ASTN2: variants seen among roughly 807,000 people sequenced by gnomAD.
The protein encoded by ASTN2 is astrotactin 2.
Under a neutral mutation model 139.8 loss-of-function variants are expected in ASTN2, and 54 were observed. The ratio of observed to expected loss-of-function variants is 0.39; its 90% CI spans 0.31 to 0.48. The LOEUF is 0.48. Among genes scored for constraint, ASTN2 ranks in the 20% least tolerant of loss-of-function variants. The pLI, the probability that ASTN2 is intolerant of heterozygous loss-of-function variation, is 0.95. For synonymous variants in ASTN2, 756 were observed against 719.5 expected (o/e 1.05, Z -0.81); for missense variants, 1,565 against 1,725.1 (o/e 0.91, Z 1.64).
intron 5 of ASTN2, among the ~76,000 whole-genome samples, chr9:117,055,272 A>C (rs1839025477): frequency 6.6e-6 from 1 of 152,208 alleles, no homozygotes; most frequent in Admixed American, 6.5e-5. Flanking sequence ...GGTGCTGGGG[A>C]TATAGCAGGT....
intron 4 of ASTN2, among the ~76,000 whole-genome samples, chr9:117,120,018 G>GTGTATATATATATATATATATATA (rs1306397698): frequency 2.2e-5 from 1 of 45,998 alleles, no homozygotes; most frequent in African/African-American, 8.2e-5. Context: ...GTGTGTGTGT[G>GTGTATATATATATATATATATATA]TATATATATA....
Position 116,425,423 on chromosome 9 carries a change from G to A in ASTN2, c.*428C>T, listed in dbSNP as rs560064831. The A allele has an allele frequency of 8.4e-5, 63 of 751,952 alleles. 2 individuals are homozygous for A. In the South Asian group the frequency reaches 1.0e-3, roughly 12 times the overall value. The allele number at this position is 751,952 out of a possible 1,614,324, so 46.6% of individuals were successfully genotyped here. On this transcript the variant is annotated 3_prime_UTR_variant, in exon 23 of 23. Coordinates refer to ENST00000313400, the MANE Select transcript of ASTN2 (RefSeq NM_001365068.1). Reference sequence around the variant, plus strand: ...TCCTGGTGCTGAAGAGGTCAAAACTGTCTCCTCTAGGGGTCAGGTCAAAAC... The same window carrying A: ...TCCTGGTGCTGAAGAGGTCAAAACTATCTCCTCTAGGGGTCAGGTCAAAAC...
At chr9:116,860,979 C>A (rs115631426) in intron 11 of ASTN2, among the ~76,000 whole-genome samples, 1 of 152,086 alleles carries the variant, frequency 6.6e-6, no homozygotes, top group Non-Finnish European at 1.5e-5. Flanking sequence ...TCAGCATAAA[C>A]GTGGTATTTC....
At chr9:116,546,543 T>C (rs1356700943) in intron 19 of ASTN2, 1 of 152,176 alleles carries the variant, frequency 6.6e-6, no homozygotes, top group African/African-American at 2.4e-5. Context: ...CTGAATTCTG[T>C]CCTAGGAGTG....
At chr9:117,206,917 C>A (rs1831944851) in intron 3 of ASTN2, among the ~76,000 whole-genome samples, 1 of 152,132 alleles carries the variant, frequency 6.6e-6, no homozygotes, top group Non-Finnish European at 1.5e-5. Flanking sequence ...ACAGATATAT[C>A]CCTGGCCTGC....
intron 17 of ASTN2, among the ~76,000 whole-genome samples, chr9:116,637,503 T>C (rs1350268152): frequency 1.3e-5 from 2 of 152,304 alleles, no homozygotes; most frequent in East Asian, 1.9e-4. Context: ...GAGACAAAAG[T>C]AGTATTTAAA....
chr9:116,569,337 T>C (rs1254394747), intron 19 of ASTN2, among the ~76,000 whole-genome samples: 1 of 152,260 alleles, frequency 6.6e-6, no homozygotes, highest in African/African-American at 2.4e-5. Context: ...CATCTGATGA[T>C]GCAATATGTG....
intron 1 of ASTN2, among the ~76,000 whole-genome samples, chr9:117,375,831 T>G (rs1488358155): frequency 1.3e-5 from 2 of 152,198 alleles, no homozygotes; most frequent in Non-Finnish European, 2.9e-5. Context: ...CAGGGCTGCA[T>G]TCCCTTCTGG....
chr9:117,186,662 G>C (rs1263172921), intron 3 of ASTN2, among the ~76,000 whole-genome samples: 9 of 152,190 alleles, frequency 5.9e-5, no homozygotes, highest in Non-Finnish European at 8.8e-5. Context: ...ATTTAGGTAA[G>C]TCTTCCATTG....
chr9:117,127,975 C>T (rs1030654509), intron 4 of ASTN2, among the ~76,000 whole-genome samples: 4 of 151,876 alleles, frequency 2.6e-5, no homozygotes, highest in Non-Finnish European at 5.9e-5. Flanking sequence ...CCACCGCTCC[C>T]GGCCGGGTTT....
chr9:116,513,970 T>C (rs1178546436), intron 19 of ASTN2, among the ~76,000 whole-genome samples: 1 of 151,536 alleles, frequency 6.6e-6, no homozygotes, highest in South Asian at 2.1e-4. Context: ...TCGGAGAAGT[T>C]TGGTTTTCTG....
chr9:117,314,791 A>T (rs1275944015), intron 1 of ASTN2, among the ~76,000 whole-genome samples: 1 of 145,660 alleles, frequency 6.9e-6, no homozygotes, highest in East Asian at 1.9e-4. Flanking sequence ...ACTATATATA[A>T]ATTATATAAT....
At chr9:117,159,737 T>A (rs1256032980) in intron 3 of ASTN2, among the ~76,000 whole-genome samples, 1 of 152,086 alleles carries the variant, frequency 6.6e-6, no homozygotes, top group East Asian at 1.9e-4. Context: ...GTCTAAGACG[T>A]TAAGGAAGTT....
At chr9:116,968,130 C>T (rs961141672) in intron 10 of ASTN2, among the ~76,000 whole-genome samples, 51 of 152,334 alleles carry the variant, frequency 3.3e-4, no homozygotes, top group Middle Eastern at 3.4e-3. Context: ...TCTCCAACTT[C>T]CTGGTTCTGA....
Position 117,060,481 on chromosome 9 carries a change from GAAGGAATGAAAGAAAGAAAGAAAGAAAGA to G in ASTN2, c.1277-20545_1277-20517del, listed in dbSNP as rs1240252865. 2.5e-3 allele frequency among the ~76,000 whole-genome samples: 228 copies of G among 91,094 alleles called. 28 individuals are homozygous for G. The highest frequency in any genetic ancestry group is 0.011 in the African/African-American group (220 of 20,256). The allele number at this position is 91,094 out of a possible 152,430, so 59.8% of individuals were successfully genotyped here. A position where few individuals can be genotyped will look rare whatever the true frequency, so the allele number is the denominator to read the frequency against. Reference sequence around the variant, plus strand: ...GAAAGGAAGGAAGGAAGGAAGGAAGGAAGGAATGAAAGAAAGAAAGAAAGAAAGAAAGGAAGGAAGGAAGGAAGGAAGGA... The same window carrying G: ...GAAAGGAAGGAAGGAAGGAAGGAAGGAAGGAAGGAAGGAAGGAAGGAAGGA... On this transcript the variant is annotated intron_variant, in intron 5 of 22. Coordinates refer to ENST00000313400, the MANE Select transcript of ASTN2 (RefSeq NM_001365068.1).
chr9:116,542,767 A>G (rs1355131851), intron 19 of ASTN2, among the ~76,000 whole-genome samples: 1 of 151,982 alleles, frequency 6.6e-6, no homozygotes, highest in East Asian at 1.9e-4. Flanking sequence ...AAATACAAAA[A>G]GTAGCTGGGC....
At chr9:116,952,594 G>C (rs1835593582) in intron 10 of ASTN2, among the ~76,000 whole-genome samples, 1 of 152,134 alleles carries the variant, frequency 6.6e-6, no homozygotes, top group Non-Finnish European at 1.5e-5. Context: ...CAATGACATG[G>C]GCAGCGTGAC....
chr9:117,156,995 T>C (rs1293860575), intron 3 of ASTN2, among the ~76,000 whole-genome samples: 3 of 151,954 alleles, frequency 2.0e-5, no homozygotes, highest in African/African-American at 7.2e-5. Context: ...CACACAGACA[T>C]ACAGACATAC....
intron 20 of ASTN2, among the ~76,000 whole-genome samples, chr9:116,446,594 C>T (rs1012129791): frequency 2.0e-5 from 3 of 152,154 alleles, no homozygotes; most frequent in Non-Finnish European, 2.9e-5. Context: ...CCTGGCTGAT[C>T]GAGGTCCAAG....
Sources: allele counts gnomAD v4.1 joint callset (sites outside exome capture counted in the v4.1 genomes callset), GRCh38; gene constraint gnomAD v4.1.1; transcripts MANE v1.5; gene names NCBI Gene and HGNC (gene_info 2026-07-23, HGNC 2026-07-21).